Variants in ADAMTS12 observed in about 807,000 individuals in gnomAD.
The protein encoded by ADAMTS12 is ADAM metallopeptidase with thrombospondin type 1 motif 12.
In ADAMTS12, 118 loss-of-function variants were observed where a neutral mutation model predicts 167.8. The ratio of observed to expected loss-of-function variants is 0.70; its 90% CI spans 0.61 to 0.82. ADAMTS12 has a LOEUF of 0.82. Ranked by LOEUF, ADAMTS12 falls within the 40% of genes least tolerant of loss-of-function variation. The pLI, the probability that ADAMTS12 is intolerant of heterozygous loss-of-function variation, is 0.00. For missense variants in ADAMTS12, 1,916 were observed against 1,998.8 expected (o/e 0.96, Z 0.79); for synonymous variants, 704 against 716.9 (o/e 0.98, Z 0.29).
intron 3 of ADAMTS12, among the ~76,000 whole-genome samples, chr5:33,745,155 A>G (rs1744735057): frequency 6.6e-6 from 1 of 152,066 alleles, no homozygotes; most frequent in Admixed American, 6.5e-5. Context: ...TCACTTTCTC[A>G]TCAGAACTTC....
chr5:33,879,999 G>A (rs937766359), intron 2 of ADAMTS12, among the ~76,000 whole-genome samples: 5 of 152,164 alleles, frequency 3.3e-5, no homozygotes, highest in Admixed American at 6.5e-5. Flanking sequence ...AACCACTTTC[G>A]AGACTCTGGG....
At chr5:33,705,927 T>C (rs1489444241) in intron 3 of ADAMTS12, among the ~76,000 whole-genome samples, 1 of 152,036 alleles carries the variant, frequency 6.6e-6, no homozygotes, top group African/African-American at 2.4e-5. Context: ...TTAACCGATG[T>C]GAAAGACCTC....
At chr5:33,592,284 A>C (rs955853316) in intron 17 of ADAMTS12, among the ~76,000 whole-genome samples, 1 of 148,082 alleles carries the variant, frequency 6.8e-6, no homozygotes, top group African/African-American at 2.6e-5. Context: ...AAAACAAAAC[A>C]AAAAAAACTA....
intron 16 of ADAMTS12, among the ~76,000 whole-genome samples, chr5:33,609,268 T>G (rs1176441956): frequency 6.6e-6 from 1 of 152,030 alleles, no homozygotes; most frequent in Non-Finnish European, 1.5e-5. Flanking sequence ...AAATATAGGA[T>G]CATATCTACA....
At chr5:33,776,578 T>C (rs1440177132) in intron 2 of ADAMTS12, among the ~76,000 whole-genome samples, 1 of 152,010 alleles carries the variant, frequency 6.6e-6, no homozygotes, top group Admixed American at 6.6e-5. Context: ...AAAGCAATTC[T>C]AAGAAAGAAG....
chr5:33,705,547 TCA>T (rs1458521323), intron 3 of ADAMTS12, among the ~76,000 whole-genome samples: 1 of 152,120 alleles, frequency 6.6e-6, no homozygotes, highest in Non-Finnish European at 1.5e-5. Context: ...GCACGGTGGC[TCA>T]AGCCTGTAAT....
chr5:33,606,926 A>G (rs6872736), intron 16 of ADAMTS12, among the ~76,000 whole-genome samples: 6,046 of 152,330 alleles, frequency 0.04, 276 homozygotes, highest in African/African-American at 0.11. Flanking sequence ...ACATTAAGTA[A>G]GCTTTGTCAA....
intron 2 of ADAMTS12, among the ~76,000 whole-genome samples, chr5:33,826,265 T>A (rs1748065213): frequency 6.6e-6 from 1 of 152,054 alleles, no homozygotes; most frequent in Non-Finnish European, 1.5e-5. Flanking sequence ...AGCAAAGAAC[T>A]TTTCTTCCTC....
chr5:33,857,398 G>A (rs564496866), intron 2 of ADAMTS12, among the ~76,000 whole-genome samples: 1 of 151,442 alleles, frequency 6.6e-6, no homozygotes, highest in East Asian at 1.9e-4. Context: ...TTGCTAAGAG[G>A]GTAGATTTTA....
chr5:33,858,754 C>A (rs940863786), intron 2 of ADAMTS12, among the ~76,000 whole-genome samples: 1 of 152,096 alleles, frequency 6.6e-6, no homozygotes, highest in African/African-American at 2.4e-5. Flanking sequence ...TGGTCTGCAG[C>A]TCCAGTGAGA....
At chr5:33,712,382 T>G (rs1481266333) in intron 3 of ADAMTS12, among the ~76,000 whole-genome samples, 2 of 152,176 alleles carry the variant, frequency 1.3e-5, no homozygotes, top group East Asian at 3.9e-4. Context: ...CGAGGTGGGT[T>G]TCAAATATAG....
chr5:33,646,158 G>A (rs2112183605), intron 9 of ADAMTS12, among the ~76,000 whole-genome samples: 1 of 152,208 alleles, frequency 6.6e-6, no homozygotes, highest in African/African-American at 2.4e-5. Flanking sequence ...TAACTTGGGT[G>A]TCCTGTTTCT....
intron 2 of ADAMTS12, among the ~76,000 whole-genome samples, chr5:33,756,354 A>G (rs551415799): frequency 9.8e-5 from 15 of 152,338 alleles, no homozygotes; most frequent in African/African-American, 2.9e-4. Context: ...GAGGCCACTG[A>G]GAGTGGCTGC....
rs548513220 is a variant in ADAMTS12 at position 33,618,125 on chromosome 5, A to C, written c.2144-2053T>G. Among the ~76,000 whole-genome samples the C allele has an allele frequency of 2.0e-5, 3 of 152,340 alleles. No individual in the cohort carries two copies. The East Asian group carries it at 5.8e-4, about 29-fold the overall frequency. ...ACATATTTTTTGTGTTATATGCATT[A>C]TATATTGAATTCTTATGATAAAGTA... On this transcript the variant is annotated intron_variant, in intron 14 of 23. Transcript: ENST00000504830.
intron 2 of ADAMTS12, among the ~76,000 whole-genome samples, chr5:33,771,072 T>C (rs1286020320): frequency 6.6e-6 from 1 of 152,192 alleles, no homozygotes; most frequent in Non-Finnish European, 1.5e-5. Context: ...TAAATGTCAC[T>C]AATATCACTC....
At chr5:33,777,307 C>A (rs1050503499) in intron 2 of ADAMTS12, among the ~76,000 whole-genome samples, 1 of 151,944 alleles carries the variant, frequency 6.6e-6, no homozygotes, top group African/African-American at 2.4e-5. Context: ...AATTCACTGG[C>A]ACATTTAAAA....
intron 18 of ADAMTS12, among the ~76,000 whole-genome samples, chr5:33,586,304 C>G (rs1747348507): frequency 6.6e-6 from 1 of 152,186 alleles, no homozygotes; most frequent in Non-Finnish European, 1.5e-5. Context: ...AGTAAGAGAG[C>G]AGATAGAAGA....
intron 2 of ADAMTS12, among the ~76,000 whole-genome samples, chr5:33,820,250 C>T (rs12652514): frequency 0.22 from 33,577 of 152,048 alleles, 4,208 homozygotes; most frequent in Admixed American, 0.29. Flanking sequence ...TAGGATTTTG[C>T]TCTTTGCAGG....
chr5:33,760,250 T>A (rs1228752698), intron 2 of ADAMTS12, among the ~76,000 whole-genome samples: 1 of 152,088 alleles, frequency 6.6e-6, no homozygotes, highest in Admixed American at 6.6e-5. Flanking sequence ...TTAGTTAACC[T>A]TCATCATCAA....
Sources: allele counts gnomAD v4.1 joint callset (sites outside exome capture counted in the v4.1 genomes callset), GRCh38; gene constraint gnomAD v4.1.1; transcripts MANE v1.5; gene names NCBI Gene and HGNC (gene_info 2026-07-23, HGNC 2026-07-21).